Variants in DRC10 observed in about 807,000 individuals in gnomAD.
DRC10 encodes the protein IQ domain-containing protein D.
At chr12:113,211,267 T>C in the DRC10 span, among the ~76,000 whole-genome samples, 1 of 152,126 alleles carries the variant, frequency 6.6e-6, no homozygotes, top group African/African-American at 2.4e-5. Flanking sequence ...TTTTTATTTT[T>C]GTAGATATAG....
the DRC10 span, among the ~76,000 whole-genome samples, chr12:113,214,521 A>C: frequency 6.6e-6 from 1 of 151,714 alleles, no homozygotes; most frequent in South Asian, 2.1e-4. Flanking sequence ...AAAAAAAAAA[A>C]AAAAAAAGAG....
At chr12:113,220,407 C>G in the DRC10 span, among the ~76,000 whole-genome samples, 2 of 152,040 alleles carry the variant, frequency 1.3e-5, no homozygotes, top group Non-Finnish European at 2.9e-5. Flanking sequence ...AGGTGCGCCT[C>G]CATGCTCAGC....
At chr12:113,203,972 G>T in the DRC10 span, among the ~76,000 whole-genome samples, 7 of 152,038 alleles carry the variant, frequency 4.6e-5, no homozygotes, top group Non-Finnish European at 8.8e-5. Flanking sequence ...CAGGCATGGT[G>T]GCATGTGCCT....
At chr12:113,211,630 T>TAAAAAAAC in the DRC10 span, among the ~76,000 whole-genome samples, 1 of 150,696 alleles carries the variant, frequency 6.6e-6, no homozygotes, top group African/African-American at 2.5e-5. Context: ...TCTTGTCTCT[T>TAAAAAAAC]AAAAAAACAA....
chr12:113,207,528 C>T, the DRC10 span: 1 of 1,613,958 alleles, frequency 6.2e-7, no homozygotes. Context: ...TACTGATATC[C>T]TGTAAGAACT....
the DRC10 span, among the ~76,000 whole-genome samples, chr12:113,209,432 C>T: frequency 7.2e-5 from 11 of 152,130 alleles, no homozygotes; most frequent in Admixed American, 5.2e-4. Flanking sequence ...CGCTCTGTTA[C>T]CCTGGCTGGA....
At chr12:113,219,767 C>T in the DRC10 span, among the ~76,000 whole-genome samples, 1 of 151,924 alleles carries the variant, frequency 6.6e-6, no homozygotes, top group Non-Finnish European at 1.5e-5. Context: ...CCGCCTCTTG[C>T]GATCAAGCAA....
chr12:113,209,782 G>T, the DRC10 span, among the ~76,000 whole-genome samples: 1 of 152,188 alleles, frequency 6.6e-6, no homozygotes. Flanking sequence ...TACTATCTTT[G>T]CAACTTTTCT....
chr12:113,206,218 CAA>C, the DRC10 span: 113 of 74,144 alleles, frequency 1.5e-3, 1 homozygote, highest in East Asian at 0.011. Context: ...GACTCCGCCT[CAA>C]AAAAAAAAAA....
At chr12:113,215,027 T>C in the DRC10 span, among the ~76,000 whole-genome samples, 1 of 152,176 alleles carries the variant, frequency 6.6e-6, no homozygotes, top group African/African-American at 2.4e-5. Context: ...GATTATCTGG[T>C]GCTTTGGAGA....
the DRC10 span, among the ~76,000 whole-genome samples, chr12:113,213,200 A>C: frequency 6.6e-6 from 1 of 151,422 alleles, no homozygotes; most frequent in East Asian, 1.9e-4. Context: ...AAAAAAAAAA[A>C]AAAACCAAAA....
chr12:113,220,715 A>C, the DRC10 span, among the ~76,000 whole-genome samples: 183 of 152,286 alleles, frequency 1.2e-3, no homozygotes, highest in Middle Eastern at 3.4e-3. Context: ...ACTTGAAATA[A>C]GTTAACTACG....
the DRC10 span, chr12:113,200,574 G>A: frequency 5.2e-6 from 8 of 1,532,456 alleles, no homozygotes; most frequent in Non-Finnish European, 7.0e-6. Context: ...CTGCTTCCCG[G>A]GGCACCTTCC....
At chr12:113,217,945 G>C in the DRC10 span, among the ~76,000 whole-genome samples, 3 of 152,190 alleles carry the variant, frequency 2.0e-5, no homozygotes, top group African/African-American at 7.2e-5. Flanking sequence ...GGGCAACTTT[G>C]CCCTCCAGAA....
At chr12:113,207,400 G>T in the DRC10 span, 1 of 1,513,074 alleles carries the variant, frequency 6.6e-7, no homozygotes, top group South Asian at 1.1e-5. Context: ...GATTTGTGTG[G>T]CTTCTTCAGT....
chr12:113,195,748 C>A, the DRC10 span: 247 of 1,613,864 alleles, frequency 1.5e-4, no homozygotes, highest in Non-Finnish European at 1.9e-4. Context: ...TCCTGCTCTG[C>A]CTCCATCCTT....
At chr12:113,209,348 G>A in the DRC10 span, among the ~76,000 whole-genome samples, 16 of 152,298 alleles carry the variant, frequency 1.1e-4, no homozygotes, top group African/African-American at 3.9e-4. Context: ...AGTGGAACTG[G>A]AGAAATCCAA....
At chr12:113,219,641 ATG>A in the DRC10 span, among the ~76,000 whole-genome samples, 1 of 151,806 alleles carries the variant, frequency 6.6e-6, no homozygotes, top group Non-Finnish European at 1.5e-5. Flanking sequence ...TCATTTTCTT[ATG>A]AAAATATCTT....
the DRC10 span, among the ~76,000 whole-genome samples, chr12:113,209,898 G>T: frequency 2.6e-5 from 4 of 152,244 alleles, no homozygotes; most frequent in African/African-American, 9.6e-5. Context: ...GGCCGAGGGA[G>T]GTGGATCATC....
Sources: gnomAD v4.1 joint callset for allele counts (sites outside exome capture counted in the v4.1 genomes callset) on GRCh38, gnomAD v4.1.1 for gene constraint, MANE v1.5 for transcripts, NCBI Gene and HGNC (gene_info 2026-07-23, HGNC 2026-07-21) for gene names.